Variants in EPS8 observed in about 807,000 individuals in gnomAD.
EPS8 encodes epidermal growth factor receptor kinase substrate 8.
In EPS8, 42 loss-of-function variants were observed where a neutral mutation model predicts 103.8. That is an observed-to-expected ratio of 0.40 (90% CI 0.32 to 0.52). The LOEUF is 0.52. Ranked by LOEUF, EPS8 falls within the 20% of genes least tolerant of loss-of-function variation. The pLI, the probability that EPS8 is intolerant of heterozygous loss-of-function variation, is 0.40. For missense variants in EPS8, 969 were observed against 1,005.1 expected (o/e 0.96, Z 0.49); for synonymous variants, 344 against 344.6 (o/e 1.00, Z 0.02).
rs1047838383 is a variant in EPS8 at position 15,621,047 on chromosome 12, A to T, written c.*270T>A. 6.3e-6 allele frequency: 2 copies of T among 315,096 alleles called. No individual in the cohort carries two copies. Among genetic ancestry groups the T allele is most frequent in the African/African-American group, 2.2e-5 (1 of 45,786 alleles). The allele number at this position is 315,096 out of a possible 1,614,324, so 19.5% of individuals were successfully genotyped here. ...CTGTTTATACCCTGGGATGGGGATA[A>T]AATAATTAGTCTAATTAAGGAAACT... On this transcript the variant is annotated 3_prime_UTR_variant, in exon 21 of 21. Transcript: ENST00000281172.
At position 15,779,509 on chromosome 12, in the gene EPS8, T is replaced by C. The variant is rs1052124623; in HGVS notation, c.-22+9652A>G. Among the ~76,000 whole-genome samples the C allele has an allele frequency of 6.6e-6, 1 of 152,240 alleles. No homozygotes were observed. Among genetic ancestry groups the C allele is most frequent in the Non-Finnish European group, 1.5e-5 (1 of 68,038 alleles). On this transcript the variant is annotated intron_variant, in intron 1 of 20. Transcript: ENST00000281172. The surrounding 1 kb of genome is among the most constrained non-coding windows in gnomAD (Gnocchi z 4.3). ...TTTACACATATTTTTATTTGCAGCTTTGTTTTTCCACTTCAGATACTGGAA... is the reference window on the plus strand; with the variant it reads ...TTTACACATATTTTTATTTGCAGCTCTGTTTTTCCACTTCAGATACTGGAA...
rs966753673 is a variant in EPS8, at chr12:15,713,374, C to T, written c.-21-30402G>A. 6.6e-6 allele frequency: 1 copy of T among 152,166 alleles called. No individual in the cohort carries two copies. Among genetic ancestry groups the T allele is most frequent in the Admixed American group, 6.5e-5 (1 of 15,276 alleles). The allele number at this position is 152,166 out of a possible 1,614,324, so 9.4% of individuals were successfully genotyped here. A position where few individuals can be genotyped will look rare whatever the true frequency, so the allele number is the denominator to read the frequency against. On this transcript the variant is annotated intron_variant, in intron 1 of 20. Transcript: ENST00000281172. This position sits in a 1 kb window ranked among gnomAD's most constrained non-coding sequence, Gnocchi z 4.8. The stretch of plus-strand genomic sequence containing the variant: ...TAACAAAATTAAATACATAGCTTTA[C>T]TTGCAATAAAGATAATTCCCTGATG...
In EPS8 at chr12:15,784,830, C is replaced by A. The variant is rs753772528; in HGVS notation, c.-22+4331G>T. On this transcript the variant is annotated intron_variant, in intron 1 of 20. Transcript: ENST00000281172. This position sits in a 1 kb window ranked among gnomAD's most constrained non-coding sequence, Gnocchi z 4.0. Reference sequence around the variant, plus strand: ...TAAACCTCAGGAAGACATGGATGAACCTTAAATGTGTATTGCTAAATGAAA... The same window carrying A: ...TAAACCTCAGGAAGACATGGATGAAACTTAAATGTGTATTGCTAAATGAAA... Among the ~76,000 whole-genome samples the A allele has an allele frequency of 6.6e-6, 1 of 151,980 alleles. No individual in the cohort carries two copies. The highest frequency in any genetic ancestry group is 1.5e-5 in the Non-Finnish European group (1 of 67,952).
At position 15,669,775 on chromosome 12, in the gene EPS8, A is replaced by T. The variant is rs968754780; in HGVS notation, c.255T>A (p.Asp85Glu). 3 of 1,612,988 alleles carry T rather than the reference A, an allele frequency of 1.9e-6. No homozygotes were observed. The African/African-American group carries it at 4.0e-5, about 22-fold the overall frequency. Reference protein sequence around the residue: ...LDRKDAMITVDDGIRKLKLLD... With the variant: ...LDRKDAMITVEDGIRKLKLLD... ...GCAATTTCAATTTCCTTATTCCATC[A>T]TCAACAGTGATCATAGCATCTTTCC... The change falls in exon 5 of 21, where the codon GAT (aspartate) becomes GAA (glutamate). Residue 85 changes from aspartate to glutamate, a missense_variant. Physicochemically the swap from Asp to Glu is conservative, Grantham distance 45 (BLOSUM62 2). Coordinates refer to ENST00000281172, the MANE Select transcript of EPS8 (RefSeq NM_004447.6).
rs1200091704 is a variant in EPS8 at position 15,769,883 on chromosome 12, A to C, written c.-22+19278T>G. On this transcript the variant is annotated intron_variant, in intron 1 of 20. Coordinates refer to ENST00000281172, the MANE Select transcript of EPS8 (RefSeq NM_004447.6). This position sits in a 1 kb window ranked among gnomAD's most constrained non-coding sequence, Gnocchi z 4.6. ...TGATTTTATTCTTAGCAGTTGAATA[A>C]TACCCAAAATAGTTCCAGTGCCACA... Among the ~76,000 whole-genome samples, 1 of 152,012 alleles carries C rather than the reference A, an allele frequency of 6.6e-6. No homozygotes were observed. The highest frequency in any genetic ancestry group is 2.4e-5 in the African/African-American group (1 of 41,420).
chr12:15,658,939 G>A lies in EPS8; in HGVS notation c.938-354C>T, dbSNP rs184898114. On this transcript the variant is annotated intron_variant, in intron 10 of 20. Coordinates refer to ENST00000281172, the MANE Select transcript of EPS8 (RefSeq NM_004447.6). Reference sequence around the variant, plus strand: ...ATAAATAACAAGAGAAGTACCAATCGTTATGAGAAGAGACTTACCTGGTTG... The same window carrying A: ...ATAAATAACAAGAGAAGTACCAATCATTATGAGAAGAGACTTACCTGGTTG... Among the ~76,000 whole-genome samples the A allele has an allele frequency of 6.4e-4, 97 of 152,184 alleles. No homozygotes were observed. The East Asian group carries it at 0.014, about 22-fold the overall frequency.
chr12:15,623,068 G>A (rs533462003), intron 20 of EPS8, 90 bp downstream of exon 20: 1 of 1,282,432 alleles, frequency 7.8e-7, no homozygotes, highest in East Asian at 2.5e-5. Flanking sequence ...GCTCTGTTAA[G>A]AAAGGGAAAT....
chr12:15,715,474 A>T (rs1946522525), intron 1 of EPS8, among the ~76,000 whole-genome samples: 1 of 138,152 alleles, frequency 7.2e-6, no homozygotes, highest in South Asian at 2.3e-4. Context: ...GGCTCACTGC[A>T]GCTTCCGCCT....
In EPS8 at chr12:15,779,126, G is replaced by A. The variant is rs1180487052; in HGVS notation, c.-22+10035C>T. Among the ~76,000 whole-genome samples, 1 of 152,070 alleles carries A rather than the reference G, an allele frequency of 6.6e-6. No individual in the cohort carries two copies. The highest frequency in any genetic ancestry group is 1.5e-5 in the Non-Finnish European group (1 of 68,020). On this transcript the variant is annotated intron_variant, in intron 1 of 20. Coordinates refer to ENST00000281172, the MANE Select transcript of EPS8 (RefSeq NM_004447.6). The surrounding 1 kb of genome is among the most constrained non-coding windows in gnomAD (Gnocchi z 4.3). Reference sequence around the variant, plus strand: ...CCCGAGTAGCTGGGATTACAGGTATGTGCCTCCAAGCCCGGCTAATTTTGT... The same window carrying A: ...CCCGAGTAGCTGGGATTACAGGTATATGCCTCCAAGCCCGGCTAATTTTGT...
chr12:15,646,077 G>C (rs1005985379), intron 15 of EPS8, among the ~76,000 whole-genome samples: 1 of 152,120 alleles, frequency 6.6e-6, no homozygotes, highest in Admixed American at 6.5e-5. Context: ...ATTTTCAACT[G>C]TATCTACTGA....
chr12:15,727,341 A>G lies in EPS8; in HGVS notation c.-21-44369T>C, dbSNP rs927565288. On this transcript the variant is annotated intron_variant, in intron 1 of 20. Coordinates refer to ENST00000281172, the MANE Select transcript of EPS8 (RefSeq NM_004447.6). This position sits in a 1 kb window ranked among gnomAD's most constrained non-coding sequence, Gnocchi z 4.3. The stretch of plus-strand genomic sequence containing the variant: ...AAGTAGATCTGACCATTTGGCATAT[A>G]GTATATATTTCTAAATCAACAACTC... Among the ~76,000 whole-genome samples, 2 of 152,194 alleles carry G rather than the reference A, an allele frequency of 1.3e-5. No individual in the cohort carries two copies. Among genetic ancestry groups the G allele is most frequent in the Non-Finnish European group, 2.9e-5 (2 of 68,030 alleles).
chr12:15,715,394 C>CTTTTTTTTTTTTTTTTTTTTTTTTTTT (rs3086457), intron 1 of EPS8, among the ~76,000 whole-genome samples: 1 of 127,186 alleles, frequency 7.9e-6, no homozygotes, highest in Non-Finnish European at 1.6e-5. Flanking sequence ...CTTTACTTTT[C>CTTTTTTTTTTTTTTTTTTTTTTTTTTT]TTTTTTTTTT....
chr12:15,699,259 T>C (rs914005904), intron 1 of EPS8, among the ~76,000 whole-genome samples: 12 of 152,254 alleles, frequency 7.9e-5, no homozygotes, highest in African/African-American at 2.4e-4. Context: ...AGAGCTTTTA[T>C]TGTGGTATTT....
In EPS8 at chr12:15,658,070, A is replaced by C. The variant is rs769135972; in HGVS notation, c.1101+9T>G. On this transcript the variant is annotated intron_variant, in intron 12 of 20. Coordinates refer to ENST00000281172, the MANE Select transcript of EPS8 (RefSeq NM_004447.6). ...AGAACGATTCTTTCTTAAACTAATA[A>C]AATCTCACCATATTTAATGGAGTAA... The C allele has an allele frequency of 6.5e-7, 1 of 1,528,564 alleles. No individual in the cohort carries two copies. The highest frequency in any genetic ancestry group is 9.1e-7 in the Non-Finnish European group (1 of 1,103,234). The allele number at this position is 1,528,564 out of a possible 1,614,324, so 94.7% of individuals were successfully genotyped here.
chr12:15,663,161 C>T (rs1157023248), intron 8 of EPS8, among the ~76,000 whole-genome samples: 1 of 152,024 alleles, frequency 6.6e-6, no homozygotes, highest in African/African-American at 2.4e-5. Context: ...AGTGGACTAC[C>T]ACAGAAAGTA....
At chr12:15,624,141 C>G (rs2135711473) in intron 19 of EPS8, 86 bp downstream of exon 19, 1 of 1,043,262 alleles carries the variant, frequency 9.6e-7, no homozygotes, top group Non-Finnish European at 1.5e-6. Context: ...TGTTTTATAA[C>G]AGTTATCTGT....
chr12:15,710,670 A>G (rs972580450), intron 1 of EPS8, among the ~76,000 whole-genome samples: 8 of 152,202 alleles, frequency 5.3e-5, no homozygotes, highest in African/African-American at 1.2e-4. Flanking sequence ...TGGAAAGTCA[A>G]TTTTTAAGTG....
At chr12:15,681,162 G>A in intron 3 of EPS8, 64 bp downstream of exon 3, 1 of 802,478 alleles carries the variant, frequency 1.2e-6, no homozygotes, top group Non-Finnish European at 2.0e-6. Flanking sequence ...CCATGAGTTT[G>A]AAAATGTAAT....
intron 3 of EPS8, among the ~76,000 whole-genome samples, chr12:15,677,177 G>A (rs1228387009): frequency 6.6e-6 from 1 of 152,118 alleles, no homozygotes; most frequent in Non-Finnish European, 1.5e-5. Flanking sequence ...TGACTCTCCA[G>A]TACCACTCCC....
Sources: allele counts gnomAD v4.1 joint callset (sites outside exome capture counted in the v4.1 genomes callset), GRCh38; gene constraint gnomAD v4.1.1; non-coding constraint Gnocchi (gnomAD v3.1); transcripts MANE v1.5; gene names NCBI Gene and HGNC (gene_info 2026-07-23, HGNC 2026-07-21).